BRCA2: variants seen among roughly 807,000 people sequenced by gnomAD.
The protein encoded by BRCA2 is BRCA2 DNA repair associated, also known as breast cancer type 2 susceptibility protein.
Under a neutral mutation model 276.7 loss-of-function variants are expected in BRCA2, and 203 were observed. The observed-to-expected ratio is 0.73, with a 90% CI of 0.65 to 0.82. BRCA2 has a LOEUF of 0.82. Among genes scored for constraint, BRCA2 ranks in the 40% least tolerant of loss-of-function variants. BRCA2 has a pLI of 0.00. For synonymous variants in BRCA2, 1,289 were observed against 1,338.4 expected (o/e 0.96, Z 0.81); for missense variants, 3,920 against 3,915.0 (o/e 1.00, Z -0.03).
At position 32,336,319 on chromosome 13, in the gene BRCA2, C is replaced by T. The variant is rs28897712; in HGVS notation, c.1964C>T (p.Pro655Leu). Residue 655 changes from proline to leucine, a missense_variant, in exon 11 of 27, where the codon CCA (proline) becomes CTA (leucine). Pro to Leu is a moderately conservative substitution (Grantham distance 98). Transcript: ENST00000380152. ...RSCSQNDSEE[P>L]TLSLTSSFGT... is the part of the protein sequence containing the mutation. Reference sequence around the variant, plus strand: ...TGTTCACAGAATGATTCTGAAGAACCAACTTTGTCCTTAACTAGCTCTTTT... The same window carrying T: ...TGTTCACAGAATGATTCTGAAGAACTAACTTTGTCCTTAACTAGCTCTTTT... 2.5e-6 allele frequency: 4 copies of T among 1,601,812 alleles called. No homozygotes were observed. Among genetic ancestry groups the T allele is most frequent in the East Asian group, 2.2e-5 (1 of 44,748 alleles).
In BRCA2 at chr13:32,357,669, T is replaced by G. The variant is rs887897916; in HGVS notation, c.7618-73T>G. 4 of 1,496,184 alleles carry G rather than the reference T, an allele frequency of 2.7e-6. No individual in the cohort carries two copies. In the African/African-American group the frequency reaches 5.6e-5, roughly 21 times the overall value. 92.7% of individuals were successfully genotyped at this position (1,496,184 alleles called of 1,614,324 possible). ...TGGTAAATTCAGTTTTGGTTTGTTA[T>G]AATTGTTTTTATTGTGTGATACATG... On this transcript the variant is annotated intron_variant, in intron 15 of 26. Coordinates refer to ENST00000380152, the MANE Select transcript of BRCA2 (RefSeq NM_000059.4).
chr13:32,375,301 C>G, intron 20 of BRCA2: 1 of 400,426 alleles, frequency 2.5e-6, no homozygotes, highest in South Asian at 2.0e-5. Flanking sequence ...TCAGGCTTTA[C>G]TTCTAATTCT....
chr13:32,379,775 A>G lies in BRCA2; in HGVS notation c.8979A>G (p.Ser2993=), dbSNP rs781452016. 4 of 1,612,704 alleles carry G rather than the reference A, an allele frequency of 2.5e-6. No individual in the cohort carries two copies. The highest frequency in any genetic ancestry group is 3.4e-6 in the Non-Finnish European group (4 of 1,178,768). The change falls in exon 23 of 27, where the codon TCA becomes TCG. Residue 2993 remains serine, a synonymous_variant. Transcript: ENST00000380152. ...TTATACTGAGTATTTGGCGTCCATC[A>G]TCAGATTTATATTCTCTGTTAACAG... is the stretch of plus-strand genomic sequence containing the variant. The part of the protein sequence containing the change: ...DSVILSIWRP[S]SDLYSLLTEG...
In BRCA2 at chr13:32,338,078, T is replaced by C. The variant is rs587782723; in HGVS notation, c.3723T>C (p.Phe1241=). The part of the protein sequence containing the change: ...TEALQKAVKL[F]SDIENISEET... ...CTCTGCAAAAAGCTGTGAAACTGTTTAGTGATATTGAGAATATTAGTGAGG... is the reference window on the plus strand; with the variant it reads ...CTCTGCAAAAAGCTGTGAAACTGTTCAGTGATATTGAGAATATTAGTGAGG... The change falls in exon 11 of 27, where the codon TTT becomes TTC. Residue 1241 remains phenylalanine, a synonymous_variant. Coordinates refer to ENST00000380152, the MANE Select transcript of BRCA2 (RefSeq NM_000059.4). The C allele has an allele frequency of 1.9e-6, 3 of 1,611,474 alleles. No homozygotes were observed. The highest frequency in any genetic ancestry group is 2.2e-5 in the South Asian group (2 of 90,350).
intron 4 of BRCA2, among the ~76,000 whole-genome samples, chr13:32,325,408 T>G (rs1326554497): frequency 6.6e-6 from 1 of 152,234 alleles, no homozygotes; most frequent in East Asian, 1.9e-4. Context: ...GCTGGTTTTC[T>G]GTATATTCTG....
intron 25 of BRCA2, among the ~76,000 whole-genome samples, chr13:32,395,416 A>G (rs1038968056): frequency 6.6e-6 from 1 of 152,172 alleles, no homozygotes; most frequent in Non-Finnish European, 1.5e-5. Flanking sequence ...CTATATATAC[A>G]TTATATAATA....
intron 19 of BRCA2, 23 bp from the exon 20 acceptor site, chr13:32,370,933 G>T (rs780822195): frequency 3.7e-6 from 6 of 1,613,614 alleles, no homozygotes; most frequent in Non-Finnish European, 5.1e-6. Flanking sequence ...GACTTTTTTG[G>T]TGTGTGTAAC....
Position 32,326,142 on chromosome 13 carries a change from A to C in BRCA2, c.467A>C (p.Asp156Ala), listed in dbSNP as rs68071147. ...TGTACACATGTAACACCACAAAGAG[A>C]TAAGTCAGGTATGATTAAAAACAAT... ...LQCTHVTPQR[D>A]KSVVCGSLFH... The change falls in exon 5 of 27, where the codon GAT (aspartate) becomes GCT (alanine). Residue 156 changes from aspartate to alanine, a missense_variant. This residue lies in a region of BRCA2 where 3,263 missense variants were observed against 3,156.9 expected (regional missense o/e 1.03). Coordinates refer to ENST00000380152, the MANE Select transcript of BRCA2 (RefSeq NM_000059.4). 1.2e-6 allele frequency: 2 copies of C among 1,609,240 alleles called. No individual in the cohort carries two copies. The highest frequency in any genetic ancestry group is 1.7e-6 in the Non-Finnish European group (2 of 1,176,738).
intron 3 of BRCA2, among the ~76,000 whole-genome samples, chr13:32,319,962 T>C (rs186551567): frequency 6.6e-6 from 1 of 152,272 alleles, no homozygotes; most frequent in African/African-American, 2.4e-5. Flanking sequence ...GCAAATAGTA[T>C]TGGGCAAAGT....
intron 3 of BRCA2, among the ~76,000 whole-genome samples, chr13:32,324,443 A>G (rs984398519): frequency 6.6e-5 from 10 of 152,212 alleles, no homozygotes; most frequent in Admixed American, 5.9e-4. Flanking sequence ...TCACATAAAT[A>G]TATATATTTC....
chr13:32,336,155 A>T, intron 10 of BRCA2, 110 bp from the exon 11 acceptor site: 1 of 1,240,914 alleles, frequency 8.1e-7, no homozygotes, highest in Non-Finnish European at 1.1e-6. Flanking sequence ...TGCTGAGATT[A>T]CAGGCATGAG....
intron 4 of BRCA2, among the ~76,000 whole-genome samples, chr13:32,325,535 A>C (rs61948375): frequency 6.6e-6 from 1 of 151,524 alleles, no homozygotes; most frequent in Non-Finnish European, 1.5e-5. Context: ...TTTACTTTAC[A>C]AATTTTTTTT....
rs206079 is a variant in BRCA2 at position 32,346,481 on chromosome 13, G to A, written c.6938-346G>A. On this transcript the variant is annotated intron_variant, in intron 12 of 26. Coordinates refer to ENST00000380152, the MANE Select transcript of BRCA2 (RefSeq NM_000059.4). ...TAATTAGGTTCCAGTTACATACTGAGAATGAACAATATCTAAAGCTTAGCT... is the reference window on the plus strand; with the variant it reads ...TAATTAGGTTCCAGTTACATACTGAAAATGAACAATATCTAAAGCTTAGCT... Among the ~76,000 whole-genome samples the A allele has an allele frequency of 0.43, 65,049 of 151,770 alleles. 14,146 individuals carry two copies. Among genetic ancestry groups the A allele is most frequent in the Middle Eastern group, 0.5 (145 of 292 alleles).
Position 32,398,963 on chromosome 13 carries a change from A to G in BRCA2, c.*193A>G, listed in dbSNP as rs1178501767. On this transcript the variant is annotated 3_prime_UTR_variant, in exon 27 of 27. Coordinates refer to ENST00000380152, the MANE Select transcript of BRCA2 (RefSeq NM_000059.4). The stretch of plus-strand genomic sequence containing the variant: ...TTCCGTATTGGTATACTTTTGCTTC[A>G]GTTGCATATCTTAAAACTAAATGTA... 9.5e-6 allele frequency: 6 copies of G among 630,134 alleles called. No individual in the cohort carries two copies. Among genetic ancestry groups the G allele is most frequent in the Non-Finnish European group, 1.6e-5 (6 of 385,674 alleles). 39.0% of individuals were successfully genotyped at this position (630,134 alleles called of 1,614,324 possible). A position where few individuals can be genotyped will look rare whatever the true frequency, so the allele number is the denominator to read the frequency against.
intron 1 of BRCA2, among the ~76,000 whole-genome samples, chr13:32,315,945 C>G (rs1593880124): frequency 1.3e-5 from 2 of 152,222 alleles, no homozygotes; most frequent in East Asian, 3.9e-4. Context: ...TCCCAGCTGT[C>G]CCAGATGACG....
At chr13:32,348,570 G>T (rs538059741) in intron 13 of BRCA2, among the ~76,000 whole-genome samples, 1 of 152,280 alleles carries the variant, frequency 6.6e-6, no homozygotes, top group Admixed American at 6.5e-5. Flanking sequence ...AATACTGAGA[G>T]AAAATGATTT....
rs79483201 is a variant in BRCA2 at position 32,332,421 on chromosome 13, T to A, written c.943T>A (p.Cys315Ser). 141 of 1,591,398 alleles carry A rather than the reference T, an allele frequency of 8.9e-5. No individual in the cohort carries two copies. The East Asian group carries it at 2.9e-3, about 33-fold the overall frequency. ...TAGTTTTTCATTATGTTTTTCTAAA[T>A]GTAGAACAAAAAATCTACAAAAAGT... ...EDSFSLCFSK[C>S]RTKNLQKVRT... Residue 315 changes from cysteine (C) to serine (S), a missense_variant, in exon 10 of 27, where the codon TGT becomes AGT. Physicochemically the swap from Cys to Ser is moderately radical, Grantham distance 112 (BLOSUM62 -1). This residue lies in a region of BRCA2 where 3,263 missense variants were observed against 3,156.9 expected (regional missense o/e 1.03). Transcript: ENST00000380152.
intron 21 of BRCA2, among the ~76,000 whole-genome samples, chr13:32,377,420 C>T (rs772415128): frequency 1.1e-4 from 16 of 151,968 alleles, no homozygotes; most frequent in East Asian, 1.9e-4. Flanking sequence ...GGTGAAACCC[C>T]GTCCCTATTA....
At position 32,379,901 on chromosome 13, in the gene BRCA2, TCAA is replaced by T. The variant is rs1064794358; in HGVS notation, c.9110_9112del (p.Gln3037del). 6.2e-7 allele frequency: 1 copy of T among 1,613,706 alleles called. No homozygotes were observed. The highest frequency in any genetic ancestry group is 2.2e-5 in the East Asian group (1 of 44,832). On this transcript the variant is annotated inframe_deletion, in exon 23 of 27. Transcript: ENST00000380152. ...TAGCAGCGACAAAAAAAACTCAGTA[TCAA>T]CAACTACCGGTACAAACCTTTCATT...
Sources: allele counts gnomAD v4.1 joint callset (sites outside exome capture counted in the v4.1 genomes callset), GRCh38; gene constraint gnomAD v4.1.1; regional missense constraint gnomAD v4.1.1; transcripts MANE v1.5; gene names NCBI Gene and HGNC (gene_info 2026-07-23, HGNC 2026-07-21).